Variants in TEK observed in about 807,000 individuals in gnomAD.
TEK encodes TEK receptor tyrosine kinase, also known as angiopoietin-1 receptor.
Under a neutral mutation model 131.8 loss-of-function variants are expected in TEK, and 43 were observed. The ratio of observed to expected loss-of-function variants is 0.33; its 90% CI spans 0.26 to 0.42. The LOEUF is 0.42. Ranked by LOEUF, TEK falls within the 10% of genes least tolerant of loss-of-function variation. The probability of loss-of-function intolerance (pLI) is 1.00; values close to 1 mark genes in which losing one functional copy is unlikely to be tolerated. For synonymous variants in TEK, 580 were observed against 491.6 expected (o/e 1.18, Z -2.38); for missense variants, 1,162 against 1,384.4 (o/e 0.84, Z 2.55).
At chr9:27,224,185 A>G (rs891234876) in intron 21 of TEK, among the ~76,000 whole-genome samples, 1 of 152,218 alleles carries the variant, frequency 6.6e-6, no homozygotes, top group Non-Finnish European at 1.5e-5. Context: ...CACAGGTACA[A>G]AGAGGAGCTG....
Position 27,190,670 on chromosome 9 carries a change from A to C in TEK, c.1469A>C (p.Glu490Ala), listed in dbSNP as rs764885666. Reference sequence around the variant, plus strand: ...CTATACAAACCCGTTAATCACTATGAGGCTTGGCAACATATTCAAGGTAAG... The same window carrying C: ...CTATACAAACCCGTTAATCACTATGCGGCTTGGCAACATATTCAAGGTAAG... ...KLLYKPVNHY[E>A]AWQHIQVTNE... The change falls in exon 10 of 23, where the codon GAG becomes GCG. Residue 490 changes from glutamate (E) to alanine (A), a missense_variant. Coordinates refer to ENST00000380036, the MANE Select transcript of TEK (RefSeq NM_000459.5). 1 of 1,613,982 alleles carries C rather than the reference A, an allele frequency of 6.2e-7. No individual in the cohort carries two copies. The highest frequency in any genetic ancestry group is 2.2e-5 in the East Asian group (1 of 44,880).
intron 13 of TEK, 55 bp from the exon 14 acceptor site, chr9:27,204,856 G>T (rs1226892651): frequency 4.3e-6 from 7 of 1,610,148 alleles, no homozygotes; most frequent in Non-Finnish European, 1.7e-6. Flanking sequence ...TACGGTGTGG[G>T]TCTGTTTCTC....
At chr9:27,208,445 G>C (rs1435317041) in intron 15 of TEK, among the ~76,000 whole-genome samples, 1 of 152,062 alleles carries the variant, frequency 6.6e-6, no homozygotes, top group East Asian at 1.9e-4. Context: ...GGTGCCTGCT[G>C]TGTTCTCCCT....
intron 2 of TEK, among the ~76,000 whole-genome samples, chr9:27,158,674 T>G (rs372949473): frequency 0.11 from 16,284 of 149,316 alleles, 1,029 homozygotes; most frequent in Middle Eastern, 0.23. Flanking sequence ...TTTTTTTTTT[T>G]TGGGGGGGTG....
intron 21 of TEK, among the ~76,000 whole-genome samples, chr9:27,221,259 C>A (rs540190218): frequency 6.6e-6 from 1 of 152,288 alleles, no homozygotes; most frequent in East Asian, 1.9e-4. Flanking sequence ...GAAAGAAAGG[C>A]AACAGCCACA....
intron 21 of TEK, among the ~76,000 whole-genome samples, chr9:27,223,328 TCTC>T (rs1173151821): frequency 2.6e-5 from 4 of 152,164 alleles, no homozygotes. Context: ...TATACATTCT[TCTC>T]AGCACCTCAT....
At chr9:27,163,745 ACTGT>A (rs1444223681) in intron 2 of TEK, among the ~76,000 whole-genome samples, 2 of 152,220 alleles carry the variant, frequency 1.3e-5, no homozygotes, top group Non-Finnish European at 2.9e-5. Flanking sequence ...CTGTAGCTAT[ACTGT>A]CTTCACAGGA....
rs764309451 is a variant in TEK, at chr9:27,206,613, G to T, written c.2396G>T (p.Gly799Val). ...GAACCAGCTGTGCAGTTCAACTCAG[G>T]GACTCTGGCCCTAAACAGGAAGGTC... ...REEPAVQFNS[G>V]TLALNRKVKN... Residue 799 changes from glycine to valine, a missense_variant, in exon 15 of 23, where the codon GGG becomes GTG. Gly to Val is a moderately radical substitution (Grantham distance 109). This residue lies in a region of TEK where 477 missense variants were observed against 471.0 expected (regional missense o/e 1.01). Transcript: ENST00000380036. 6.2e-7 allele frequency: 1 copy of T among 1,613,942 alleles called. No homozygotes were observed. Among genetic ancestry groups the T allele is most frequent in the East Asian group, 2.2e-5 (1 of 44,848 alleles).
intron 1 of TEK, among the ~76,000 whole-genome samples, chr9:27,123,049 T>A (rs751865892): frequency 7.8e-4 from 26 of 33,212 alleles, no homozygotes; most frequent in Non-Finnish European, 1.1e-3. Flanking sequence ...CGAGACTCTG[T>A]CTCAAAAAAA....
At chr9:27,151,379 A>G (rs1823121035) in intron 1 of TEK, among the ~76,000 whole-genome samples, 2 of 152,206 alleles carry the variant, frequency 1.3e-5, no homozygotes, top group Middle Eastern at 3.2e-3. Context: ...AAAGAAATTA[A>G]TAGCAACTTT....
chr9:27,177,923 C>A (rs1824231957), intron 6 of TEK, among the ~76,000 whole-genome samples: 1 of 152,106 alleles, frequency 6.6e-6, no homozygotes, highest in Non-Finnish European at 1.5e-5. Context: ...TGTTTCTTCA[C>A]TCTGTTGATT....
In TEK at chr9:27,207,626, G is replaced by C. The variant is rs1433034503; in HGVS notation, c.2575+834G>C. Among the ~76,000 whole-genome samples, 3 of 152,176 alleles carry C rather than the reference G, an allele frequency of 2.0e-5. No homozygotes were observed. The East Asian group carries it at 5.8e-4, about 29-fold the overall frequency. On this transcript the variant is annotated intron_variant, in intron 15 of 22. Coordinates refer to ENST00000380036, the MANE Select transcript of TEK (RefSeq NM_000459.5). ...CAGTTTGTATAAGACTTGACTGTGA[G>C]GCTGCACTATTGATTTTACAAAATA...
intron 18 of TEK, among the ~76,000 whole-genome samples, chr9:27,216,385 TAAATG>T (rs2131236444): frequency 6.6e-6 from 1 of 152,030 alleles, no homozygotes; most frequent in South Asian, 2.1e-4. Context: ...AATAAAAAAA[TAAATG>T]AAAAAGTGCA....
At chr9:27,190,426 A>G (rs1564086459) in intron 9 of TEK, 103 bp from the exon 10 acceptor site, 1 of 1,429,092 alleles carries the variant, frequency 7.0e-7, no homozygotes, top group Admixed American at 1.8e-5. Context: ...AAACTTTAAG[A>G]GGACTTTGTT....
At chr9:27,132,745 G>T (rs1359770757) in intron 1 of TEK, among the ~76,000 whole-genome samples, 1 of 152,164 alleles carries the variant, frequency 6.6e-6, no homozygotes, top group Non-Finnish European at 1.5e-5. Context: ...GTTCAGGTGG[G>T]AAAATGTAGA....
intron 8 of TEK, among the ~76,000 whole-genome samples, chr9:27,184,410 A>T (rs1824518714): frequency 6.6e-6 from 1 of 152,132 alleles, no homozygotes; most frequent in African/African-American, 2.4e-5. Context: ...AATACTTATT[A>T]TCCTATTTTT....
At chr9:27,213,295 C>A (rs995584503) in intron 17 of TEK, among the ~76,000 whole-genome samples, 189 bp from the exon 18 acceptor site, 2 of 152,132 alleles carry the variant, frequency 1.3e-5, no homozygotes, top group Non-Finnish European at 2.9e-5. Context: ...TGAAATTCTT[C>A]TGCCAAGATG....
At chr9:27,146,059 G>A (rs762013949) in intron 1 of TEK, among the ~76,000 whole-genome samples, 6 of 152,086 alleles carry the variant, frequency 3.9e-5, no homozygotes, top group African/African-American at 7.2e-5. Flanking sequence ...AGATGTCATC[G>A]TACTGTTCTA....
intron 11 of TEK, among the ~76,000 whole-genome samples, chr9:27,196,401 G>T (rs1461843126): frequency 6.6e-6 from 1 of 152,164 alleles, no homozygotes; most frequent in Non-Finnish European, 1.5e-5. Context: ...TATCATATGG[G>T]CCACTTGCTT....
Sources: gnomAD v4.1 joint callset for allele counts (sites outside exome capture counted in the v4.1 genomes callset) on GRCh38, gnomAD v4.1.1 for gene constraint, gnomAD v4.1.1 regional missense constraint, MANE v1.5 for transcripts, NCBI Gene and HGNC (gene_info 2026-07-23, HGNC 2026-07-21) for gene names.